Variants in GRM8 observed in about 807,000 individuals in gnomAD.
GRM8 encodes glutamate metabotropic receptor 8.
GRM8 carries 47 observed loss-of-function variants against 87.2 expected under a neutral mutation model. That is an observed-to-expected ratio of 0.54 (90% CI 0.43 to 0.69). The LOEUF is 0.69. GRM8 is among the 30% of genes least tolerant of loss of function. The pLI, the probability that GRM8 is intolerant of heterozygous loss-of-function variation, is 0.00. For synonymous variants in GRM8, 396 were observed against 404.5 expected (o/e 0.98, Z 0.25); for missense variants, 1,019 against 1,139.2 (o/e 0.89, Z 1.52).
chr7:126,553,055 C>A (rs906629750), intron 8 of GRM8, among the ~76,000 whole-genome samples: 2 of 152,038 alleles, frequency 1.3e-5, no homozygotes, highest in African/African-American at 2.4e-5. Flanking sequence ...TAGCAATAAT[C>A]ATCATCATCA....
chr7:126,657,731 G>A (rs1804687081), intron 7 of GRM8, among the ~76,000 whole-genome samples: 1 of 152,360 alleles, frequency 6.6e-6, no homozygotes, highest in East Asian at 1.9e-4. Context: ...GACATAGTGT[G>A]TATGCTGGGA....
chr7:126,762,240 A>AT lies in GRM8; in HGVS notation c.1357+7624dup, dbSNP rs202234322. 8.7e-3 allele frequency among the ~76,000 whole-genome samples: 1,303 copies of AT among 150,372 alleles called. 67 individuals carry two copies. In the East Asian group the frequency reaches 0.14, roughly 16 times the overall value. On this transcript the variant is annotated intron_variant, in intron 7 of 10. Transcript: ENST00000339582. ...ACAATAAGAACACTGATAGGCATCT[A>AT]TTTTTTTTTTCTTGTAAAGAACGCC...
At chr7:127,054,249 T>TA (rs1819763195) in intron 3 of GRM8, among the ~76,000 whole-genome samples, 1 of 152,124 alleles carries the variant, frequency 6.6e-6, no homozygotes. Flanking sequence ...CGCTGCTGAT[T>TA]AAAAAACTAA....
chr7:126,984,203 T>C (rs923656394), intron 3 of GRM8, among the ~76,000 whole-genome samples: 2 of 152,214 alleles, frequency 1.3e-5, no homozygotes, highest in Non-Finnish European at 2.9e-5. Context: ...TATGACCTTA[T>C]TATTGTCTTT....
intron 6 of GRM8, among the ~76,000 whole-genome samples, chr7:126,785,798 G>A (rs532824216): frequency 1.4e-4 from 22 of 152,098 alleles, no homozygotes; most frequent in African/African-American, 4.3e-4. Flanking sequence ...AAGCAGTGCC[G>A]CTGCACCCTT....
intron 7 of GRM8, among the ~76,000 whole-genome samples, chr7:126,748,095 A>G (rs1815926526): frequency 1.3e-5 from 2 of 152,066 alleles, no homozygotes; most frequent in South Asian, 4.1e-4. Context: ...GATAAGAAAA[A>G]AGACAAGGAT....
chr7:126,829,937 T>G (rs1482456558), intron 6 of GRM8, among the ~76,000 whole-genome samples: 1 of 152,138 alleles, frequency 6.6e-6, no homozygotes. Context: ...GTCTGTGAAG[T>G]ATTTTATTTC....
Position 126,735,480 on chromosome 7 carries a change from T to C in GRM8, c.1357+34385A>G, listed in dbSNP as rs934919466. ...GTGGGAAGATAGATAAATTGATCTG[T>C]TACTATTATGTATATGACTATGAAC... On this transcript the variant is annotated intron_variant, in intron 7 of 10. Transcript: ENST00000339582. Among the ~76,000 whole-genome samples, 12 of 152,160 alleles carry C rather than the reference T, an allele frequency of 7.9e-5. No individual in the cohort carries two copies. The East Asian group carries it at 2.3e-3, about 29-fold the overall frequency.
chr7:126,550,837 G>A (rs1485531283), intron 8 of GRM8, among the ~76,000 whole-genome samples: 1 of 151,334 alleles, frequency 6.6e-6, no homozygotes, highest in Non-Finnish European at 1.5e-5. Context: ...ACAGAATAAT[G>A]GTGAATTAAT....
chr7:126,728,763 C>T (rs886842053), intron 7 of GRM8, among the ~76,000 whole-genome samples: 3 of 152,132 alleles, frequency 2.0e-5, no homozygotes, highest in African/African-American at 7.2e-5. Flanking sequence ...AGGAGGGACA[C>T]CATCCATGGT....
intron 8 of GRM8, among the ~76,000 whole-genome samples, chr7:126,597,267 A>G (rs1797299718): frequency 6.6e-6 from 1 of 152,096 alleles, no homozygotes; most frequent in Admixed American, 6.6e-5. Context: ...AATAAACATT[A>G]ATTTTTCTTT....
intron 2 of GRM8, among the ~76,000 whole-genome samples, chr7:127,192,056 T>G (rs1795056195): frequency 6.6e-6 from 1 of 152,154 alleles, no homozygotes; most frequent in African/African-American, 2.4e-5. Flanking sequence ...TTTTGTAAAA[T>G]GGTGTTTAAC....
intron 7 of GRM8, among the ~76,000 whole-genome samples, chr7:126,756,772 G>C (rs1177043886): frequency 6.6e-6 from 1 of 152,072 alleles, no homozygotes; most frequent in African/African-American, 2.4e-5. Flanking sequence ...AATATAGATA[G>C]GTGGAGGATA....
At chr7:126,649,128 G>A (rs191604089) in intron 7 of GRM8, among the ~76,000 whole-genome samples, 24 of 152,270 alleles carry the variant, frequency 1.6e-4, no homozygotes, top group African/African-American at 5.8e-4. Flanking sequence ...GACAAAGGAG[G>A]GAGATCCACT....
intron 3 of GRM8, among the ~76,000 whole-genome samples, chr7:126,923,536 C>T (rs1804762150): frequency 6.6e-6 from 1 of 152,168 alleles, no homozygotes; most frequent in South Asian, 2.1e-4. Flanking sequence ...TAAGAGTCCT[C>T]TCACATACAG....
intron 6 of GRM8, among the ~76,000 whole-genome samples, chr7:126,803,662 C>A (rs1424548810): frequency 6.6e-6 from 1 of 152,182 alleles, no homozygotes; most frequent in African/African-American, 2.4e-5. Flanking sequence ...TTCTATGACT[C>A]CACAAACCAA....
intron 9 of GRM8, among the ~76,000 whole-genome samples, chr7:126,532,459 C>T (rs1232086441): frequency 6.6e-6 from 1 of 152,006 alleles, no homozygotes; most frequent in African/African-American, 2.4e-5. Context: ...ATCACAATTA[C>T]CAAGCAATGG....
chr7:127,120,217 T>C (rs1256459403), intron 2 of GRM8, among the ~76,000 whole-genome samples: 1 of 152,214 alleles, frequency 6.6e-6, no homozygotes, highest in Non-Finnish European at 1.5e-5. Flanking sequence ...CTGCCTTGTT[T>C]AGCCCTCCCT....
intron 6 of GRM8, among the ~76,000 whole-genome samples, chr7:126,788,420 A>AAAAAAAAAAAAAAAAACAAAAAAC: frequency 3.7e-5 from 3 of 81,136 alleles, no homozygotes; most frequent in Admixed American, 1.7e-4. Context: ...AAAAAAAAAA[A>AAAAAAAAAAAAAAAAACAAAAAAC]AAACCCTTTC....
Sources: gnomAD v4.1 joint callset for allele counts (sites outside exome capture counted in the v4.1 genomes callset) on GRCh38, gnomAD v4.1.1 for gene constraint, MANE v1.5 for transcripts, NCBI Gene and HGNC (gene_info 2026-07-23, HGNC 2026-07-21) for gene names.